PTPRN2: variants seen among roughly 807,000 people sequenced by gnomAD.
PTPRN2 encodes receptor-type tyrosine-protein phosphatase N2.
In PTPRN2, 74 loss-of-function variants were observed where a neutral mutation model predicts 118.8. That is an observed-to-expected ratio of 0.62 (90% CI 0.52 to 0.76). The LOEUF is 0.76. PTPRN2 is among the 30% of genes least tolerant of loss of function. The probability of loss-of-function intolerance (pLI) is 0.00; values close to 1 mark genes in which losing one functional copy is unlikely to be tolerated. For missense variants in PTPRN2, 1,481 were observed against 1,394.4 expected (o/e 1.06, Z -0.99); for synonymous variants, 641 against 608.0 (o/e 1.05, Z -0.80).
At chr7:157,706,430 A>G (rs1243076002) in intron 12 of PTPRN2, among the ~76,000 whole-genome samples, 1 of 152,108 alleles carries the variant, frequency 6.6e-6, no homozygotes, top group African/African-American at 2.4e-5. Context: ...TTCCAGATCA[A>G]TGTGGACCAC....
At chr7:157,757,544 G>A (rs1225934364) in intron 12 of PTPRN2, among the ~76,000 whole-genome samples, 3 of 151,990 alleles carry the variant, frequency 2.0e-5, no homozygotes, top group Non-Finnish European at 4.4e-5. Context: ...TCTTCCAGTC[G>A]GGGAAGGCGG....
Position 158,276,499 on chromosome 7 carries a change from G to C in PTPRN2, c.277+40320C>G, listed in dbSNP as rs569068540. Among the ~76,000 whole-genome samples the C allele has an allele frequency of 1.1e-4, 16 of 145,596 alleles. No homozygotes were observed. In the East Asian group the frequency reaches 1.4e-3, roughly 13 times the overall value. ...CCCCACACCCCGGCCCCGACAGGCT[G>C]TAAGGCAGCACCCCCACACCCCGGC... is the stretch of plus-strand genomic sequence containing the variant. On this transcript the variant is annotated intron_variant, in intron 3 of 22. Coordinates refer to ENST00000389418, the MANE Select transcript of PTPRN2 (RefSeq NM_002847.5).
intron 10 of PTPRN2, among the ~76,000 whole-genome samples, chr7:158,110,190 C>A (rs542124552): frequency 1.3e-5 from 2 of 152,250 alleles, no homozygotes; most frequent in Non-Finnish European, 2.9e-5. Context: ...CCCAGCTGTG[C>A]GCTGTGGGAG....
At chr7:158,341,340 C>G (rs1219507487) in intron 2 of PTPRN2, among the ~76,000 whole-genome samples, 2 of 151,442 alleles carry the variant, frequency 1.3e-5, no homozygotes, top group Non-Finnish European at 2.9e-5. Flanking sequence ...CACACCCACA[C>G]TCTCACCATA....
intron 12 of PTPRN2, among the ~76,000 whole-genome samples, chr7:157,692,792 T>G (rs1797573351): frequency 1.3e-5 from 2 of 151,904 alleles, no homozygotes; most frequent in Admixed American, 1.3e-4. Flanking sequence ...GTACATCACC[T>G]TGGCCCTCTC....
intron 2 of PTPRN2, among the ~76,000 whole-genome samples, chr7:158,322,092 C>T (rs948618583): frequency 6.6e-6 from 1 of 152,196 alleles, no homozygotes; most frequent in Non-Finnish European, 1.5e-5. Flanking sequence ...TTGCCTGAGC[C>T]TTGCAAAGCC....
At chr7:158,052,294 C>T (rs1809387198) in intron 11 of PTPRN2, among the ~76,000 whole-genome samples, 1 of 152,190 alleles carries the variant, frequency 6.6e-6, no homozygotes, top group Admixed American at 6.5e-5. Flanking sequence ...TTCCGACTTC[C>T]TCTTAGAAGG....
chr7:157,684,582 T>TCCTCCCCTCC (rs555513460), intron 12 of PTPRN2, among the ~76,000 whole-genome samples: 9 of 124,128 alleles, frequency 7.3e-5, no homozygotes, highest in African/African-American at 2.8e-4. Context: ...CTCCCCGGTC[T>TCCTCCCCTCC]CCTCCCCTCC....
intron 3 of PTPRN2, among the ~76,000 whole-genome samples, chr7:158,275,282 C>G (rs1268702714): frequency 6.6e-6 from 1 of 152,126 alleles, no homozygotes; most frequent in African/African-American, 2.4e-5. Context: ...CTCGGAGGGC[C>G]TCTGAACAAG....
At chr7:157,934,818 C>T (rs565094577) in intron 11 of PTPRN2, among the ~76,000 whole-genome samples, 88 of 152,286 alleles carry the variant, frequency 5.8e-4, no homozygotes, top group African/African-American at 2.0e-3. Context: ...AGAAGAGGTC[C>T]GCAGCATTTT....
intron 11 of PTPRN2, among the ~76,000 whole-genome samples, chr7:158,048,928 T>C (rs1262727430): frequency 2.4e-5 from 3 of 125,352 alleles, no homozygotes; most frequent in African/African-American, 6.2e-5. Context: ...ATCATCACTA[T>C]CACCAACACC....
In PTPRN2 at chr7:157,831,463, C is replaced by T. The variant is rs1345848404; in HGVS notation, c.1788+67210G>A. ...GCAGGGCTGGGTGCATTTGGAGTTG[C>T]CCTGGGGCTGGGGCTGGGAGACGGA... On this transcript the variant is annotated intron_variant, in intron 12 of 22. Coordinates refer to ENST00000389418, the MANE Select transcript of PTPRN2 (RefSeq NM_002847.5). This position sits in a 1 kb window ranked among gnomAD's most constrained non-coding sequence, Gnocchi z 4.8. Among the ~76,000 whole-genome samples, 1 of 152,200 alleles carries T rather than the reference C, an allele frequency of 6.6e-6. No homozygotes were observed. Among genetic ancestry groups the T allele is most frequent in the South Asian group, 2.1e-4 (1 of 4,828 alleles).
chr7:158,396,527 C>T (rs1054808266), intron 2 of PTPRN2, among the ~76,000 whole-genome samples: 1 of 152,040 alleles, frequency 6.6e-6, no homozygotes, highest in Non-Finnish European at 1.5e-5. Context: ...CCCTCCTCGC[C>T]GAGTGAGTTT....
chr7:158,077,355 G>A (rs529623811), intron 11 of PTPRN2, among the ~76,000 whole-genome samples: 2 of 152,182 alleles, frequency 1.3e-5, no homozygotes, highest in African/African-American at 2.4e-5. Context: ...GAAAGTCACC[G>A]TACCTCTGAA....
intron 1 of PTPRN2, among the ~76,000 whole-genome samples, chr7:158,552,859 C>T (rs1826751683): frequency 1.3e-5 from 2 of 152,190 alleles, no homozygotes; most frequent in South Asian, 4.1e-4. Flanking sequence ...CCCAGAGAAA[C>T]CCTAGAGAGT....
At chr7:157,715,289 ACAGGCCGGCG>A (rs1798847561) in intron 12 of PTPRN2, among the ~76,000 whole-genome samples, 1 of 152,140 alleles carries the variant, frequency 6.6e-6, no homozygotes, top group African/African-American at 2.4e-5. Flanking sequence ...GTGTTGGGAG[ACAGGCCGGCG>A]GCCGCGGGAA....
intron 2 of PTPRN2, among the ~76,000 whole-genome samples, chr7:158,340,780 T>C (rs1223749021): frequency 2.1e-5 from 1 of 46,784 alleles, no homozygotes; most frequent in Non-Finnish European, 4.3e-5. Context: ...TCACCATAAT[T>C]GGTGACACCT....
chr7:157,708,387 A>C (rs896639824), intron 12 of PTPRN2, among the ~76,000 whole-genome samples: 1 of 152,146 alleles, frequency 6.6e-6, no homozygotes, highest in Non-Finnish European at 1.5e-5. Context: ...TTCAGCCAGG[A>C]CCTGCAGCAC....
At chr7:158,337,064 G>T (rs1459254694) in intron 2 of PTPRN2, among the ~76,000 whole-genome samples, 4 of 138,630 alleles carry the variant, frequency 2.9e-5, no homozygotes, top group Non-Finnish European at 6.3e-5. Flanking sequence ...GTCACCATAA[G>T]AGCTGACACC....
Sources: gnomAD v4.1 joint callset for allele counts (sites outside exome capture counted in the v4.1 genomes callset) on GRCh38, gnomAD v4.1.1 for gene constraint, Gnocchi (gnomAD v3.1) non-coding constraint, MANE v1.5 for transcripts, NCBI Gene and HGNC (gene_info 2026-07-23, HGNC 2026-07-21) for gene names.